The following FANCL variants were observed in gnomAD, a reference collection of about 807,000 sequenced individuals.
FANCL encodes E3 ubiquitin-protein ligase FANCL.
Under a neutral mutation model 59.4 loss-of-function variants are expected in FANCL, and 69 were observed. The ratio of observed to expected loss-of-function variants is 1.16; its 90% CI spans 0.96 to 1.42. The LOEUF is 1.42. FANCL is among the 40% of genes most tolerant of loss of function. The pLI is 0.00. For synonymous variants in FANCL, 180 were observed against 147.1 expected, an observed-to-expected ratio of 1.22 and a Z score of -1.62; for missense variants, 519 against 447.2, an observed-to-expected ratio of 1.16 and a Z score of -1.45.
intron 7 of FANCL, among the ~76,000 whole-genome samples, chr2:58,170,629 C>A (rs375325401): frequency 6.7e-6 from 1 of 149,844 alleles, no homozygotes; most frequent in South Asian, 2.1e-4. Context: ...ATCCATCTCA[C>A]GTGCAAAGAA....
intron 7 of FANCL, among the ~76,000 whole-genome samples, chr2:58,188,545 C>A (rs919850315): frequency 6.6e-6 from 1 of 151,946 alleles, no homozygotes; most frequent in African/African-American, 2.4e-5. Context: ...TCAACTGATC[C>A]TCCCACCTCA....
intron 4 of FANCL, among the ~76,000 whole-genome samples, chr2:58,222,648 T>C (rs996918687): frequency 2.6e-5 from 4 of 152,216 alleles, no homozygotes; most frequent in African/African-American, 9.6e-5. Context: ...GGCTTTAAAA[T>C]GTTTATGTTC....
intron 3 of FANCL, among the ~76,000 whole-genome samples, chr2:58,229,288 T>TC (rs1268445318): frequency 1.3e-4 from 20 of 152,336 alleles, no homozygotes; most frequent in East Asian, 1.9e-4. Context: ...GATTTTTTTT[T>TC]CTAATCTTTA....
chr2:58,201,850 A>G (rs1030297907), intron 6 of FANCL, among the ~76,000 whole-genome samples: 2 of 151,928 alleles, frequency 1.3e-5, no homozygotes, highest in African/African-American at 4.8e-5. Flanking sequence ...TTGGGAAAGT[A>G]TGTATTCCAG....
chr2:58,211,143 C>G (rs1371514268), intron 5 of FANCL, among the ~76,000 whole-genome samples: 2 of 152,188 alleles, frequency 1.3e-5, no homozygotes, highest in Non-Finnish European at 2.9e-5. Flanking sequence ...ATGAGGGCCC[C>G]ACCCCTGCAG....
intron 7 of FANCL, among the ~76,000 whole-genome samples, chr2:58,178,567 T>G (rs1687601170): frequency 6.6e-6 from 1 of 152,162 alleles, no homozygotes; most frequent in Admixed American, 6.5e-5. Context: ...AATTAGGTGT[T>G]GATGGAACAT....
At chr2:58,205,845 G>A (rs1299379139) in intron 5 of FANCL, among the ~76,000 whole-genome samples, 1 of 151,946 alleles carries the variant, frequency 6.6e-6, no homozygotes, top group East Asian at 1.9e-4. Context: ...ATGATAAAAG[G>A]GGGAAGAAGA....
At chr2:58,171,115 C>T (rs188016555) in intron 7 of FANCL, among the ~76,000 whole-genome samples, 146 of 152,242 alleles carry the variant, frequency 9.6e-4, no homozygotes, top group Non-Finnish European at 1.5e-3. Context: ...AAACTGATCA[C>T]AAAATTTGAA....
intron 6 of FANCL, among the ~76,000 whole-genome samples, chr2:58,202,810 G>C (rs1690178532): frequency 6.6e-6 from 1 of 151,808 alleles, no homozygotes; most frequent in Non-Finnish European, 1.5e-5. Context: ...TATAGTTAAA[G>C]GCAGCACAAA....
At position 58,232,222 on chromosome 2, in the gene FANCL, G is replaced by T. The variant is rs1375408714; in HGVS notation, c.97-110C>A. The T allele has an allele frequency of 3.3e-5, 30 of 907,984 alleles. 1 individual carries two copies. In the South Asian group the frequency reaches 4.1e-4, roughly 12 times the overall value. 56.2% of individuals were successfully genotyped at this position (907,984 alleles called of 1,614,324 possible). ...AATGTTTTCCTTTATTTTCTAAAAG[G>T]TATCAATTTTATCCACATCTTTATA... On this transcript the variant is annotated intron_variant, in intron 1 of 13. Transcript: ENST00000233741.
chr2:58,173,926 A>G (rs1686969752), intron 7 of FANCL, among the ~76,000 whole-genome samples: 1 of 152,088 alleles, frequency 6.6e-6, no homozygotes, highest in Non-Finnish European at 1.5e-5. Flanking sequence ...GGCTCAAAAT[A>G]AAAGGATGGA....
chr2:58,239,546 T>TG (rs1400245918), intron 1 of FANCL, among the ~76,000 whole-genome samples: 1 of 152,118 alleles, frequency 6.6e-6, no homozygotes, highest in Non-Finnish European at 1.5e-5. Context: ...TGGTAGGGGA[T>TG]GGGGGTATAA....
At chr2:58,237,887 C>A (rs1694168865) in intron 1 of FANCL, among the ~76,000 whole-genome samples, 1 of 152,150 alleles carries the variant, frequency 6.6e-6, no homozygotes, top group African/African-American at 2.4e-5. Context: ...GAATGTGCAT[C>A]TTTATTGATC....
In FANCL at chr2:58,188,601, C is replaced by A. The variant is rs943858234; in HGVS notation, c.540+9993G>T. On this transcript the variant is annotated intron_variant, in intron 7 of 13. Transcript: ENST00000233741. ...ACTACAGACACGTTGCCCCCACACCCAGCTGATTTTTGTATTTTTTGTAGA... is the reference window on the plus strand; with the variant it reads ...ACTACAGACACGTTGCCCCCACACCAAGCTGATTTTTGTATTTTTTGTAGA... 6.6e-5 allele frequency among the ~76,000 whole-genome samples: 10 copies of A among 151,898 alleles called. 1 individual carries two copies. Among genetic ancestry groups the A allele is most frequent in the Admixed American group, 5.9e-4 (9 of 15,236 alleles).
chr2:58,237,341 T>C lies in FANCL; in HGVS notation c.96+3877A>G, dbSNP rs11888277. ...AAAGATATCTAGAAAATCCTTAATATTGAGAAAGATAATCATAATTCTAAG... is the reference window on the plus strand; with the variant it reads ...AAAGATATCTAGAAAATCCTTAATACTGAGAAAGATAATCATAATTCTAAG... On this transcript the variant is annotated intron_variant, in intron 1 of 13. Transcript: ENST00000233741. Among the ~76,000 whole-genome samples the C allele has an allele frequency of 2.9e-3, 446 of 152,096 alleles. 2 individuals are homozygous for C. The highest frequency in any genetic ancestry group is 0.014 in the Middle Eastern group (4 of 294).
chr2:58,176,583 G>A (rs1300665845), intron 7 of FANCL, among the ~76,000 whole-genome samples: 15 of 152,060 alleles, frequency 9.9e-5, no homozygotes, highest in South Asian at 2.1e-4. Flanking sequence ...CTATATGTAG[G>A]AAGCTGAAAC....
intron 5 of FANCL, chr2:58,213,551 A>C (rs2105218882): frequency 6.6e-6 from 1 of 152,304 alleles, no homozygotes; most frequent in South Asian, 2.1e-4. Context: ...ACAAATGATT[A>C]AGTAACAGCA....
At position 58,241,275 on chromosome 2, in the gene FANCL, G is replaced by C. The variant is rs201708705; in HGVS notation, c.39C>G (p.Pro13=). 12 of 1,614,240 alleles carry C rather than the reference G, an allele frequency of 7.4e-6. No homozygotes were observed. The South Asian group carries it at 1.3e-4, about 18-fold the overall frequency. Residue 13 remains proline (P), a synonymous_variant, in exon 1 of 14, where the codon CCC becomes CCG. Coordinates refer to ENST00000233741, the MANE Select transcript of FANCL (RefSeq NM_018062.4). The part of the protein sequence containing the change: ...VTEASLLRQC[P]LLLPQNRSKT... Reference sequence around the variant, plus strand: ...TCGACCGGTTCTGGGGCAGAAGCAGGGGGCACTGGCGCAACAGGCTCGCTT... The same window carrying C: ...TCGACCGGTTCTGGGGCAGAAGCAGCGGGCACTGGCGCAACAGGCTCGCTT...
intron 7 of FANCL, among the ~76,000 whole-genome samples, chr2:58,167,787 G>C (rs912556375): frequency 6.6e-6 from 1 of 152,090 alleles, no homozygotes; most frequent in Non-Finnish European, 1.5e-5. Context: ...ATTCCAGATG[G>C]GGAAAAGAAA....
Sources: gnomAD v4.1 joint callset for allele counts (sites outside exome capture counted in the v4.1 genomes callset) on GRCh38, gnomAD v4.1.1 for gene constraint, MANE v1.5 for transcripts, NCBI Gene and HGNC (gene_info 2026-07-23, HGNC 2026-07-21) for gene names.